C21orf58: variants seen among roughly 807,000 people sequenced by gnomAD.
The protein encoded by C21orf58 is uncharacterized protein C21orf58.
A neutral mutation model predicts 35.8 loss-of-function variants in C21orf58; 34 were observed. That is an observed-to-expected ratio of 0.95 (90% confidence interval 0.72 to 1.26). C21orf58 has a LOEUF of 1.26. C21orf58 is among the 50% of genes most tolerant of loss of function. The pLI, the probability that C21orf58 is intolerant of heterozygous loss-of-function variation, is 0.00. For synonymous variants in C21orf58, 191 were observed against 175.8 expected (o/e 1.09, Z -0.68); for missense variants, 440 against 414.3 (o/e 1.06, Z -0.54).
intron 6 of C21orf58, among the ~76,000 whole-genome samples, chr21:46,305,133 A>G (rs1443206197): frequency 6.6e-6 from 1 of 152,116 alleles, no homozygotes; most frequent in Non-Finnish European, 1.5e-5. Context: ...ACTCGTAGAA[A>G]CAGAACAGAG....
At chr21:46,317,880 C>T (rs960221657) in intron 2 of C21orf58, 132 bp downstream of exon 2, 43 of 976,516 alleles carry the variant, frequency 4.4e-5, no homozygotes, top group South Asian at 2.2e-4. Context: ...AGGATGGGTC[C>T]GCTGGGCTGC....
chr21:46,317,415 C>A, intron 2 of C21orf58, 147 bp from the exon 3 acceptor site: 4 of 1,407,994 alleles, frequency 2.8e-6, no homozygotes, highest in Non-Finnish European at 9.6e-7. Flanking sequence ...GGGAGTCAAG[C>A]CCCTCCGAGG....
chr21:46,310,094 G>T (rs1051219012), intron 6 of C21orf58, among the ~76,000 whole-genome samples: 2 of 152,146 alleles, frequency 1.3e-5, no homozygotes, highest in Non-Finnish European at 2.9e-5. Context: ...TAGGAGGAGG[G>T]ATTAAAAAGA....
At chr21:46,314,602 A>T in intron 5 of C21orf58, 114 bp downstream of exon 5, 1 of 814,402 alleles carries the variant, frequency 1.2e-6, no homozygotes, top group Non-Finnish European at 1.9e-6. Context: ...CCTTGGGAGG[A>T]TGGGGGTGAC....
At chr21:46,316,455 C>CA (rs1213145943) in intron 3 of C21orf58, among the ~76,000 whole-genome samples, 2 of 151,498 alleles carry the variant, frequency 1.3e-5, no homozygotes, top group Non-Finnish European at 2.9e-5. Context: ...GACTCCATCT[C>CA]AAAAAAAAGA....
chr21:46,319,964 C>T (rs991518088), intron 1 of C21orf58, among the ~76,000 whole-genome samples: 1 of 152,090 alleles, frequency 6.6e-6, no homozygotes. Context: ...CTCTTGTCCA[C>T]AGTCATTAAC....
At chr21:46,318,271 T>G (rs1416371842) in intron 1 of C21orf58, 51 bp from the exon 2 acceptor site, 6 of 1,604,212 alleles carry the variant, frequency 3.7e-6, no homozygotes, top group Non-Finnish European at 5.1e-6. Flanking sequence ...CTCCCTGGAC[T>G]GCAGTGCCCC....
At chr21:46,303,734 TA>T (rs1569116375) in intron 6 of C21orf58, among the ~76,000 whole-genome samples, 68 of 25,784 alleles carry the variant, frequency 2.6e-3, no homozygotes, top group Non-Finnish European at 4.1e-3. Context: ...TATATATATA[TA>T]TATATATATA....
intron 5 of C21orf58, 52 bp from the exon 6 acceptor site, chr21:46,311,619 C>A: frequency 9.2e-7 from 1 of 1,083,890 alleles, no homozygotes; most frequent in South Asian, 1.5e-5. Flanking sequence ...AAGAAAGTGT[C>A]TCCAGTATCT....
intron 5 of C21orf58, among the ~76,000 whole-genome samples, chr21:46,311,910 T>TCCAC (rs1211306487): frequency 8.0e-6 from 1 of 125,298 alleles, no homozygotes; most frequent in East Asian, 2.6e-4. Flanking sequence ...CAACCATTCA[T>TCCAC]CCACCCACCC....
intron 3 of C21orf58, among the ~76,000 whole-genome samples, chr21:46,316,340 C>G (rs1479508155): frequency 6.6e-6 from 1 of 152,148 alleles, no homozygotes; most frequent in Non-Finnish European, 1.5e-5. Context: ...CCTGTAATCT[C>G]AGCTACTCGG....
At position 46,302,019 on chromosome 21, in the gene C21orf58, A is replaced by G; in HGVS notation, c.949T>C (p.Trp317Arg). 1 of 1,533,332 alleles carries G rather than the reference A, an allele frequency of 6.5e-7. No homozygotes were observed. The highest frequency in any genetic ancestry group is 8.8e-7 in the Non-Finnish European group (1 of 1,139,952). The allele number at this position is 1,533,332 out of a possible 1,614,324, so 95.0% of individuals were successfully genotyped here. A position where few individuals can be genotyped will look rare whatever the true frequency, so the allele number is the denominator to read the frequency against. ...ATVLQPAPSLWTPGPP is the reference protein window; with the variant it reads ...ATVLQPAPSLRTPGPP ...CACACTCAGGGTGGGCCAGGCGTCC[A>G]CAGGCTGGGGGCGGGCTGGAGGACA... The change falls in exon 8 of 8, where the codon TGG becomes CGG. Residue 317 changes from tryptophan to arginine, a missense_variant. Coordinates refer to ENST00000291691, the MANE Select transcript of C21orf58 (RefSeq NM_058180.5).
At chr21:46,312,254 C>G (rs373766455) in intron 5 of C21orf58, among the ~76,000 whole-genome samples, 1 of 152,124 alleles carries the variant, frequency 6.6e-6, no homozygotes, top group African/African-American at 2.4e-5. Context: ...CTGTCTTTAG[C>G]GGGGTGGGCT....
chr21:46,318,522 G>C (rs1006339299), intron 1 of C21orf58: 8 of 1,288,310 alleles, frequency 6.2e-6, no homozygotes, highest in Non-Finnish European at 7.9e-6. Context: ...TCAGGACCCA[G>C]TCCAGAAGAA....
intron 6 of C21orf58, among the ~76,000 whole-genome samples, chr21:46,311,092 G>C (rs373365230): frequency 6.6e-6 from 1 of 151,966 alleles, no homozygotes; most frequent in African/African-American, 2.4e-5. Flanking sequence ...GGCTGGTCTC[G>C]AACTCTTGAC....
chr21:46,319,663 C>T (rs887657497), intron 1 of C21orf58, among the ~76,000 whole-genome samples: 4 of 152,150 alleles, frequency 2.6e-5, no homozygotes, highest in Non-Finnish European at 4.4e-5. Context: ...CTTAGGGAGG[C>T]TGAGGCAGGC....
intron 3 of C21orf58, 111 bp downstream of exon 3, chr21:46,317,097 G>A: frequency 1.2e-6 from 1 of 844,254 alleles, no homozygotes; most frequent in Non-Finnish European, 1.9e-6. Flanking sequence ...TACCAGGAGT[G>A]GGGGTGATTC....
chr21:46,319,113 C>T (rs2083076134), intron 1 of C21orf58: 1 of 152,344 alleles, frequency 6.6e-6, no homozygotes, highest in African/African-American at 2.4e-5. Flanking sequence ...TGTCTTCCAA[C>T]CCACATCCAT....
rs554821794 is a variant in C21orf58, at chr21:46,317,313, A to G, written c.310-45T>C. 90 of 1,597,988 alleles carry G rather than the reference A, an allele frequency of 5.6e-5. 1 individual carries two copies. The East Asian group carries it at 1.0e-3, about 18-fold the overall frequency. On this transcript the variant is annotated intron_variant, in intron 2 of 7. Transcript: ENST00000291691. ...TGACAGAGACGGTGGCTCCACGCAA[A>G]GGCCCTGTGTGCTCCAGGAATGACT...
Sources: allele counts gnomAD v4.1 joint callset (sites outside exome capture counted in the v4.1 genomes callset), GRCh38; gene constraint gnomAD v4.1.1; transcripts MANE v1.5; gene names NCBI Gene and HGNC (gene_info 2026-07-23, HGNC 2026-07-21).